The following CALCRL variants were observed in gnomAD, a reference collection of about 807,000 sequenced individuals.
The protein encoded by CALCRL is calcitonin gene-related peptide type 1 receptor.
A neutral mutation model predicts 60.4 loss-of-function variants in CALCRL; 27 were observed. The observed-to-expected ratio is 0.45, with a 90% confidence interval of 0.33 to 0.62. The LOEUF (loss-of-function observed/expected upper bound fraction) is 0.62. Ranked by LOEUF, CALCRL falls within the 20% of genes least tolerant of loss-of-function variation. The pLI, the probability that CALCRL is intolerant of heterozygous loss-of-function variation, is 0.03. For synonymous variants in CALCRL, 190 were observed against 182.6 expected (o/e 1.04, Z -0.33); for missense variants, 424 against 540.7 (o/e 0.78, Z 2.14).
chr2:187,348,502 T>C (rs1304786890), intron 14 of CALCRL, among the ~76,000 whole-genome samples: 1 of 151,556 alleles, frequency 6.6e-6, no homozygotes, highest in Non-Finnish European at 1.5e-5. Context: ...TAGCTGTGAG[T>C]CTAGTACTTA....
intron 1 of CALCRL, chr2:187,428,356 A>T (rs1284524662): frequency 1.3e-5 from 2 of 152,196 alleles, no homozygotes; most frequent in African/African-American, 4.8e-5. Context: ...TTGAATTTTA[A>T]TTACTTTAAT....
chr2:187,362,627 G>A (rs1416276040), intron 9 of CALCRL, among the ~76,000 whole-genome samples: 9 of 151,576 alleles, frequency 5.9e-5, no homozygotes, highest in African/African-American at 2.2e-4. Flanking sequence ...TATAAAAGCA[G>A]ATAATTTTTA....
At chr2:187,366,036 G>A (rs560609365) in intron 8 of CALCRL, among the ~76,000 whole-genome samples, 10 of 151,808 alleles carry the variant, frequency 6.6e-5, no homozygotes, top group Middle Eastern at 3.4e-3. Flanking sequence ...GAGGTCAGGA[G>A]ATCGAGACCA....
At chr2:187,410,038 C>T (rs945869928) in intron 1 of CALCRL, among the ~76,000 whole-genome samples, 3 of 152,120 alleles carry the variant, frequency 2.0e-5, no homozygotes, top group African/African-American at 7.2e-5. Context: ...CCTGTGTTTT[C>T]AGTAGCTGAC....
rs147498185 is a variant in CALCRL, at chr2:187,395,496, T to G, written c.-292-7740A>C. 3.2e-3 allele frequency among the ~76,000 whole-genome samples: 483 copies of G among 152,228 alleles called. 5 individuals are homozygous for G. Among genetic ancestry groups the G allele is most frequent in the African/African-American group, 0.011 (454 of 41,560 alleles). On this transcript the variant is annotated intron_variant, in intron 1 of 14. Transcript: ENST00000392370. ...GGCAAGGTCCCAAAATAAAAACACA[T>G]GTACTGTCTCGTTTTCTAGCACTTT...
At position 187,346,064 on chromosome 2, in the gene CALCRL, G is replaced by T. The variant is rs1686255950; in HGVS notation, c.*120C>A. The T allele has an allele frequency of 4.8e-6, 3 of 622,314 alleles. No individual in the cohort carries two copies. Among genetic ancestry groups the T allele is most frequent in the Non-Finnish European group, 8.5e-6 (3 of 352,892 alleles). 38.5% of individuals were successfully genotyped at this position (622,314 alleles called of 1,614,324 possible). ...AACACACTACTAATTTCATGTGAAG[G>T]CTCTTCTTTATGACATTCAAAAAGT... On this transcript the variant is annotated 3_prime_UTR_variant, in exon 15 of 15. Transcript: ENST00000392370.
Position 187,424,532 on chromosome 2 carries a change from T to C in CALCRL, c.-293+23507A>G, listed in dbSNP as rs769974544. On this transcript the variant is annotated intron_variant, in intron 1 of 14. Transcript: ENST00000392370. ...CATTAACTAGTAGAAATAGCAGTAA[T>C]ATATTGTTAATTATATTAGCAGGAC... is the stretch of plus-strand genomic sequence containing the variant. 7.9e-5 allele frequency among the ~76,000 whole-genome samples: 12 copies of C among 152,178 alleles called. No homozygotes were observed. The East Asian group carries it at 1.2e-3, about 15-fold the overall frequency.
At chr2:187,375,887 G>T (rs181099991) in intron 8 of CALCRL, among the ~76,000 whole-genome samples, 46 of 152,132 alleles carry the variant, frequency 3.0e-4, no homozygotes, top group Non-Finnish European at 2.9e-5. Context: ...ATTTGTTCTT[G>T]AATAAAACAT....
intron 1 of CALCRL, among the ~76,000 whole-genome samples, chr2:187,416,875 T>C (rs988995254): frequency 2.6e-5 from 4 of 152,184 alleles, no homozygotes; most frequent in African/African-American, 9.6e-5. Flanking sequence ...AAGTATTCTA[T>C]AGCAATTAAA....
chr2:187,446,028 A>T lies in CALCRL; in HGVS notation c.-293+2011T>A, dbSNP rs1430148214. Reference sequence around the variant, plus strand: ...GCTTTGGTATGTAAGATAGAAAAAAAATCTTGTAACAATAATCAAAAACAT... The same window carrying T: ...GCTTTGGTATGTAAGATAGAAAAAATATCTTGTAACAATAATCAAAAACAT... On this transcript the variant is annotated intron_variant, in intron 1 of 14. Coordinates refer to ENST00000392370, the MANE Select transcript of CALCRL (RefSeq NM_005795.6). Among the ~76,000 whole-genome samples, 4 of 151,770 alleles carry T rather than the reference A, an allele frequency of 2.6e-5. No homozygotes were observed. In the East Asian group the frequency reaches 7.7e-4, roughly 29 times the overall value.
Position 187,393,488 on chromosome 2 carries a change from T to A in CALCRL, c.-292-5732A>T, listed in dbSNP as rs371907494. 2.8e-3 allele frequency among the ~76,000 whole-genome samples: 432 copies of A among 152,240 alleles called. 5 individuals are homozygous for A. Among genetic ancestry groups the A allele is most frequent in the African/African-American group, 9.8e-3 (407 of 41,544 alleles). ...ATGTCACAGAACTCCCAAAGCAAGT[T>A]ATTCAAATATCTATTTTAAAACATA... On this transcript the variant is annotated intron_variant, in intron 1 of 14. Transcript: ENST00000392370.
intron 1 of CALCRL, among the ~76,000 whole-genome samples, chr2:187,405,990 TGTGC>T (rs1341558468): frequency 1.4e-5 from 2 of 145,278 alleles, no homozygotes; most frequent in Non-Finnish European, 3.1e-5. Flanking sequence ...TGTGTGTGTG[TGTGC>T]ATTCACATGT....
intron 14 of CALCRL, among the ~76,000 whole-genome samples, chr2:187,347,279 G>A (rs1263169335): frequency 6.6e-6 from 1 of 151,792 alleles, no homozygotes; most frequent in Non-Finnish European, 1.5e-5. Context: ...CATGTCTGAT[G>A]AGTGAGCACA....
At chr2:187,394,526 A>G (rs1031803163) in intron 1 of CALCRL, among the ~76,000 whole-genome samples, 4 of 152,064 alleles carry the variant, frequency 2.6e-5, no homozygotes, top group Non-Finnish European at 5.9e-5. Flanking sequence ...CCATCAAACC[A>G]AAGTAGTAAC....
At position 187,380,658 on chromosome 2, in the gene CALCRL, G is replaced by A. The variant is rs1161063292; in HGVS notation, c.295+19C>T. On this transcript the variant is annotated intron_variant, in intron 6 of 14. Transcript: ENST00000392370. ...TAAATAGATGTCAAGGAGATATGTA[G>A]ATACATTTCTGCTTTTACCTGATGG... 6.4e-7 allele frequency: 1 copy of A among 1,572,094 alleles called. No homozygotes were observed. The highest frequency in any genetic ancestry group is 8.8e-7 in the Non-Finnish European group (1 of 1,141,748).
chr2:187,422,685 A>C (rs2105876039), intron 1 of CALCRL, among the ~76,000 whole-genome samples: 1 of 152,066 alleles, frequency 6.6e-6, no homozygotes, highest in East Asian at 1.9e-4. Flanking sequence ...ACATTACCTA[A>C]TCTTGTCTTT....
rs1442903137 is a variant in CALCRL, at chr2:187,385,569, A to G, written c.27T>C (p.Phe9=). The change falls in exon 4 of 15, where the codon TTT becomes TTC. Residue 9 remains phenylalanine (F), a synonymous_variant. Transcript: ENST00000392370. ...CCATAAAAAAAGGCAAGAGAACCAG[A>G]AAATACAGGGTACACTTTTTCTCCA... MEKKCTLY[F]LVLLPFFMIL... 3 of 1,556,726 alleles carry G rather than the reference A, an allele frequency of 1.9e-6. No homozygotes were observed. The highest frequency in any genetic ancestry group is 2.6e-6 in the Non-Finnish European group (3 of 1,135,554).
chr2:187,411,898 AG>A (rs1389573749), intron 1 of CALCRL, among the ~76,000 whole-genome samples: 1 of 142,680 alleles, frequency 7.0e-6, no homozygotes, highest in African/African-American at 2.6e-5. Context: ...CGGGAGGCTG[AG>A]GCAGGAGAAT....
intron 14 of CALCRL, among the ~76,000 whole-genome samples, chr2:187,351,582 T>C (rs538411191): frequency 4.0e-5 from 6 of 151,710 alleles, no homozygotes; most frequent in Non-Finnish European, 7.4e-5. Context: ...CCTATTAGAG[T>C]GTATGTTCTA....
Sources: allele counts gnomAD v4.1 joint callset (sites outside exome capture counted in the v4.1 genomes callset), GRCh38; gene constraint gnomAD v4.1.1; transcripts MANE v1.5; gene names NCBI Gene and HGNC (gene_info 2026-07-23, HGNC 2026-07-21).